LRRFIP1: variants seen among roughly 807,000 people sequenced by gnomAD.
The protein encoded by LRRFIP1 is leucine-rich repeat flightless-interacting protein 1.
LRRFIP1 carries 62 observed loss-of-function variants against 104.4 expected under a neutral mutation model. That is an observed-to-expected ratio of 0.59 (90% CI 0.48 to 0.73). LRRFIP1 has a LOEUF of 0.73. Ranked by LOEUF, LRRFIP1 falls within the 30% of genes least tolerant of loss-of-function variation. The probability of loss-of-function intolerance (pLI) is 0.00; values close to 1 mark genes in which losing one functional copy is unlikely to be tolerated. For missense variants in LRRFIP1, 796 were observed against 824.5 expected, an observed-to-expected ratio of 0.97 and a Z score of 0.42; for synonymous variants, 300 against 299.0, an observed-to-expected ratio of 1.00 and a Z score of -0.03.
chr2:237,725,394 A>C (rs908622358), intron 7 of LRRFIP1, among the ~76,000 whole-genome samples: 2 of 152,228 alleles, frequency 1.3e-5, no homozygotes, highest in African/African-American at 4.8e-5. Flanking sequence ...CAGAGACCCA[A>C]CTTAAGATGA....
chr2:237,726,612 T>A lies in LRRFIP1; in HGVS notation c.385-1264T>A, dbSNP rs141867365. 1.0e-3 allele frequency among the ~76,000 whole-genome samples: 157 copies of A among 152,358 alleles called. 2 individuals are homozygous for A. The highest frequency in any genetic ancestry group is 3.5e-3 in the African/African-American group (146 of 41,580). ...ATTTTCACGGCTGAGAAAACAGATG[T>A]TCAAGTGCATTAAATAATTACTTAA... On this transcript the variant is annotated intron_variant, in intron 7 of 23. Transcript: ENST00000308482.
At chr2:237,750,674 G>A (rs763082647) in intron 13 of LRRFIP1, among the ~76,000 whole-genome samples, 9 of 152,222 alleles carry the variant, frequency 5.9e-5, no homozygotes, top group East Asian at 1.9e-4. Flanking sequence ...CAGAGTTGGC[G>A]GCAGTCCTGA....
chr2:237,736,244 A>T (rs1428778180), intron 10 of LRRFIP1, among the ~76,000 whole-genome samples: 1 of 152,208 alleles, frequency 6.6e-6, no homozygotes, highest in African/African-American at 2.4e-5. Flanking sequence ...AGTAGTTGAC[A>T]TAGCATTCGT....
intron 1 of LRRFIP1, among the ~76,000 whole-genome samples, chr2:237,637,912 T>C (rs1007227925): frequency 2.6e-5 from 4 of 152,166 alleles, no homozygotes; most frequent in Non-Finnish European, 5.9e-5. Context: ...TGTGGGGTTT[T>C]CCAGGTTGAC....
intron 11 of LRRFIP1, 147 bp from the exon 12 acceptor site, chr2:237,748,217 A>G (rs1365421411): frequency 8.7e-6 from 6 of 687,954 alleles, no homozygotes; most frequent in Non-Finnish European, 1.5e-5. Flanking sequence ...GTGAAAAGCT[A>G]AATTTGGAGT....
At chr2:237,655,683 A>C (rs1288216978) in intron 1 of LRRFIP1, among the ~76,000 whole-genome samples, 1 of 152,212 alleles carries the variant, frequency 6.6e-6, no homozygotes, top group Non-Finnish European at 1.5e-5. Context: ...TATATAGGAC[A>C]TCTTTTTAAC....
At chr2:237,732,254 T>A (rs764989667) in intron 8 of LRRFIP1, among the ~76,000 whole-genome samples, 14 of 152,180 alleles carry the variant, frequency 9.2e-5, no homozygotes, top group Non-Finnish European at 1.3e-4. Flanking sequence ...CTGAACTCAC[T>A]GGACTGATGT....
At chr2:237,744,386 C>T (rs1320794268) in intron 11 of LRRFIP1, among the ~76,000 whole-genome samples, 1 of 151,964 alleles carries the variant, frequency 6.6e-6, no homozygotes, top group Admixed American at 6.5e-5. Context: ...TACCTGGGCC[C>T]TTGAGTAGGG....
At position 237,769,955 on chromosome 2, in the gene LRRFIP1, A is replaced by C; in HGVS notation, c.1472A>C (p.Lys491Thr). Residue 491 changes from lysine (K) to threonine (T), a missense_variant, in exon 20 of 24, where the codon AAA (lysine) becomes ACA (threonine). Lys to Thr is a moderately conservative substitution (Grantham distance 78, BLOSUM62 -1). Coordinates refer to ENST00000308482, the MANE Select transcript of LRRFIP1 (RefSeq NM_001137550.2). ...TGDGTLDIRL[K>T]KLVDERECLL... Reference sequence around the variant, plus strand: ...GTGATTTCTTTAGATATTAGGTTGAAAAAGCTGGTTGATGAACGGGAATGC... The same window carrying C: ...GTGATTTCTTTAGATATTAGGTTGACAAAGCTGGTTGATGAACGGGAATGC... 6.2e-7 allele frequency: 1 copy of C among 1,604,516 alleles called. No individual in the cohort carries two copies. The highest frequency in any genetic ancestry group is 8.5e-7 in the Non-Finnish European group (1 of 1,174,872).
intron 1 of LRRFIP1, among the ~76,000 whole-genome samples, chr2:237,657,539 C>A (rs1391730647): frequency 3.3e-5 from 5 of 152,106 alleles, no homozygotes; most frequent in African/African-American, 1.2e-4. Context: ...AAATATCCAA[C>A]CTGGCCTCAA....
At chr2:237,723,807 CTG>C (rs1457961740) in intron 7 of LRRFIP1, among the ~76,000 whole-genome samples, 1 of 152,250 alleles carries the variant, frequency 6.6e-6, no homozygotes, top group Non-Finnish European at 1.5e-5. Flanking sequence ...GCCCAGGCAT[CTG>C]TGCATGAACA....
At chr2:237,727,390 C>T (rs2094802535) in intron 7 of LRRFIP1, among the ~76,000 whole-genome samples, 1 of 151,128 alleles carries the variant, frequency 6.6e-6, no homozygotes, top group Non-Finnish European at 1.5e-5. Context: ...ATCTCTGAAT[C>T]TTCTGAATTA....
Position 237,777,220 on chromosome 2 carries a change from T to A in LRRFIP1, c.1813-2202T>A, listed in dbSNP as rs77544454. Among the ~76,000 whole-genome samples the A allele has an allele frequency of 5.3e-5, 8 of 152,316 alleles. No individual in the cohort carries two copies. In the East Asian group the frequency reaches 1.5e-3, roughly 29 times the overall value. On this transcript the variant is annotated intron_variant, in intron 23 of 23. Coordinates refer to ENST00000308482, the MANE Select transcript of LRRFIP1 (RefSeq NM_001137550.2). ...ACTTTTGAGCTTCATAAATCCCACT[T>A]ATCAGATAATACTATTGTTGTGTTG...
chr2:237,721,073 T>C, intron 6 of LRRFIP1: 1 of 449,624 alleles, frequency 2.2e-6, no homozygotes, highest in Non-Finnish European at 4.1e-6. Context: ...TTTCAATACT[T>C]ATCCACATCA....
chr2:237,655,050 G>A (rs2086572769), intron 1 of LRRFIP1, among the ~76,000 whole-genome samples: 1 of 144,540 alleles, frequency 6.9e-6, no homozygotes, highest in African/African-American at 2.6e-5. Context: ...AAGACACTAT[G>A]ATATGTCAAA....
rs368092837 is a variant in LRRFIP1 at position 237,760,225 on chromosome 2, C to T, written c.1459+20C>T. On this transcript the variant is annotated intron_variant, in intron 19 of 23. Coordinates refer to ENST00000308482, the MANE Select transcript of LRRFIP1 (RefSeq NM_001137550.2). ...CCCTAGGTAAGTATTTGCTTTCCTT[C>T]GGCTCCTCACACCTTTCCACTCAGC... 2.0e-5 allele frequency: 33 copies of T among 1,612,780 alleles called. No homozygotes were observed. The African/African-American group carries it at 2.4e-4, about 12-fold the overall frequency.
intron 1 of LRRFIP1, among the ~76,000 whole-genome samples, chr2:237,671,217 T>G (rs1386295020): frequency 6.6e-6 from 1 of 152,204 alleles, no homozygotes; most frequent in Non-Finnish European, 1.5e-5. Flanking sequence ...TGTGATAACC[T>G]GCACTACACA....
rs1340271106 is a variant in LRRFIP1 at position 237,661,859 on chromosome 2, C to A, written c.96+34119C>A. 6.6e-6 allele frequency among the ~76,000 whole-genome samples: 1 copy of A among 152,184 alleles called. No homozygotes were observed. Among genetic ancestry groups the A allele is most frequent in the African/African-American group, 2.4e-5 (1 of 41,440 alleles). On this transcript the variant is annotated intron_variant, in intron 1 of 23. Coordinates refer to ENST00000308482, the MANE Select transcript of LRRFIP1 (RefSeq NM_001137550.2). This position sits in a 1 kb window ranked among gnomAD's most constrained non-coding sequence, Gnocchi z 4.4. ...TCCTGACCCAGGTACCTATCAGCCC[C>A]CAAAATAGGTGTTGCCATGATTCCT...
At chr2:237,778,163 G>A (rs754014768) in intron 23 of LRRFIP1, among the ~76,000 whole-genome samples, 17 of 152,188 alleles carry the variant, frequency 1.1e-4, no homozygotes, top group Non-Finnish European at 2.1e-4. Flanking sequence ...TGTTTTGTGA[G>A]CTTATGCTTG....
Sources: gnomAD v4.1 joint callset for allele counts (sites outside exome capture counted in the v4.1 genomes callset) on GRCh38, gnomAD v4.1.1 for gene constraint, Gnocchi (gnomAD v3.1) non-coding constraint, MANE v1.5 for transcripts, NCBI Gene and HGNC (gene_info 2026-07-23, HGNC 2026-07-21) for gene names.